Variants in BLTP1 observed in about 807,000 individuals in gnomAD.
BLTP1 encodes the protein bridge-like lipid transfer protein family member 1, also known as fragile site-associated protein.
chr4:122,275,684 CT>C, the BLTP1 span, among the ~76,000 whole-genome samples: 1 of 152,006 alleles, frequency 6.6e-6, no homozygotes, highest in Non-Finnish European at 1.5e-5. Context: ...ATTTCTTGCT[CT>C]TTTTTCCCCC....
At chr4:122,300,604 A>G in the BLTP1 span, among the ~76,000 whole-genome samples, 1 of 152,086 alleles carries the variant, frequency 6.6e-6, no homozygotes, top group African/African-American at 2.4e-5. Flanking sequence ...TTTGACCCCT[A>G]AATTTCAAAA....
the BLTP1 span, chr4:122,200,207 G>C: frequency 1.0e-6 from 1 of 979,148 alleles, no homozygotes; most frequent in East Asian, 1.1e-4. Flanking sequence ...GTATTTTAAT[G>C]AATTCTTCAT....
chr4:122,195,431 A>T, the BLTP1 span, among the ~76,000 whole-genome samples: 11 of 148,188 alleles, frequency 7.4e-5, no homozygotes, highest in Admixed American at 2.7e-4. Context: ...ATTGTCTGGC[A>T]TTTTTTTTTT....
the BLTP1 span, chr4:122,185,969 G>C: frequency 2.4e-6 from 3 of 1,263,952 alleles, no homozygotes; most frequent in South Asian, 5.0e-5. Flanking sequence ...GTATAAAAAT[G>C]TTTGAGTAAA....
the BLTP1 span, among the ~76,000 whole-genome samples, chr4:122,163,970 T>A: frequency 1.3e-5 from 2 of 152,216 alleles, no homozygotes; most frequent in African/African-American, 4.8e-5. Context: ...TCTCCGCCCC[T>A]CCCTGCAATT....
chr4:122,233,161 G>C, the BLTP1 span, among the ~76,000 whole-genome samples: 7 of 152,114 alleles, frequency 4.6e-5, no homozygotes, highest in Non-Finnish European at 1.0e-4. Flanking sequence ...ACAGTTCAAC[G>C]AGCCATTCAG....
At chr4:122,323,542 T>C in the BLTP1 span, among the ~76,000 whole-genome samples, 1 of 151,928 alleles carries the variant, frequency 6.6e-6, no homozygotes, top group Non-Finnish European at 1.5e-5. Flanking sequence ...AGGGGAAAGT[T>C]TGATGCAGGG....
the BLTP1 span, chr4:122,172,120 A>T: frequency 6.9e-6 from 2 of 289,002 alleles, no homozygotes; most frequent in Non-Finnish European, 1.0e-5. Flanking sequence ...AGCACTTGCT[A>T]TGTCAAAGCT....
the BLTP1 span, among the ~76,000 whole-genome samples, chr4:122,267,375 T>A: frequency 6.6e-6 from 1 of 152,132 alleles, no homozygotes; most frequent in African/African-American, 2.4e-5. Context: ...GTAATTTTAA[T>A]ATGTTAATCA....
the BLTP1 span, chr4:122,175,869 AT>A: frequency 6.3e-7 from 1 of 1,581,118 alleles, no homozygotes; most frequent in South Asian, 1.1e-5. Flanking sequence ...TGGATTCATC[AT>A]TTTTCGGTGG....
the BLTP1 span, chr4:122,250,308 G>C: frequency 1.3e-6 from 2 of 1,517,976 alleles, no homozygotes; most frequent in Non-Finnish European, 1.8e-6. Flanking sequence ...GTAGAGTACA[G>C]CATTAAGACA....
At chr4:122,237,060 C>CGAAA in the BLTP1 span, 1 of 984,382 alleles carries the variant, frequency 1.0e-6, no homozygotes, top group Non-Finnish European at 1.2e-6. Flanking sequence ...TTTTGACTTT[C>CGAAA]ATTGCTCTAT....
At chr4:122,259,876 A>AG in the BLTP1 span, 1 of 921,184 alleles carries the variant, frequency 1.1e-6, no homozygotes, top group African/African-American at 1.8e-5. Flanking sequence ...AAAAATTTTA[A>AG]CTTTCTTTGA....
At chr4:122,310,162 G>A in the BLTP1 span, among the ~76,000 whole-genome samples, 2 of 151,990 alleles carry the variant, frequency 1.3e-5, no homozygotes, top group Non-Finnish European at 2.9e-5. Flanking sequence ...GTAGCCCATT[G>A]TTTATGTAAT....
the BLTP1 span, chr4:122,268,888 C>T: frequency 6.6e-6 from 1 of 152,258 alleles, no homozygotes; most frequent in Non-Finnish European, 1.5e-5. Context: ...TCACAGTGCT[C>T]ATCTGTTGTT....
the BLTP1 span, chr4:122,344,951 C>T: frequency 8.1e-6 from 8 of 984,720 alleles, no homozygotes; most frequent in Non-Finnish European, 9.6e-6. Context: ...GAATTGTGTG[C>T]ATGTATACTG....
the BLTP1 span, chr4:122,219,231 T>C: frequency 1.4e-6 from 2 of 1,473,154 alleles, no homozygotes; most frequent in Non-Finnish European, 1.8e-6. Context: ...GCCTTTTTAT[T>C]AAATATAATA....
At chr4:122,193,464 G>GTTA in the BLTP1 span, 1 of 183,066 alleles carries the variant, frequency 5.5e-6, no homozygotes, top group East Asian at 1.9e-4. Flanking sequence ...TTGTTCTATA[G>GTTA]TTATAGTCTA....
At chr4:122,165,227 C>G in the BLTP1 span, among the ~76,000 whole-genome samples, 1 of 151,934 alleles carries the variant, frequency 6.6e-6, no homozygotes, top group African/African-American at 2.4e-5. Flanking sequence ...CCCTCTCCCC[C>G]GCACCCTATG....
Sources: allele counts gnomAD v4.1 joint callset (sites outside exome capture counted in the v4.1 genomes callset), GRCh38; gene constraint gnomAD v4.1.1; transcripts MANE v1.5; gene names NCBI Gene and HGNC (gene_info 2026-07-23, HGNC 2026-07-21).